The following SAMMSON variants were observed in gnomAD, a reference collection of about 807,000 sequenced individuals.
The protein encoded by SAMMSON is long intergenic non-protein coding RNA 1212.
At chr3:70,218,545 A>C (rs1276586983) in intron 4 of SAMMSON, among the ~76,000 whole-genome samples, 1 of 152,130 alleles carries the variant, frequency 6.6e-6, no homozygotes, top group African/African-American at 2.4e-5. Flanking sequence ...GAACGTTTAC[A>C]GCCACAGCAG....
At chr3:70,140,826 C>T (rs1387309496) in intron 4 of SAMMSON, among the ~76,000 whole-genome samples, 2 of 152,110 alleles carry the variant, frequency 1.3e-5, no homozygotes, top group Admixed American at 6.6e-5. Flanking sequence ...TAACATGTTC[C>T]TCTTCCTCAT....
intron 7 of SAMMSON, among the ~76,000 whole-genome samples, chr3:70,322,466 C>A (rs1702544438): frequency 6.6e-6 from 1 of 152,118 alleles, no homozygotes; most frequent in Non-Finnish European, 1.5e-5. Flanking sequence ...ATAGGACAGA[C>A]AACCATGCTT....
downstream of SAMMSON, chr3:70,389,961 A>G (rs115770059): frequency 2.5e-4 from 38 of 152,310 alleles, no homozygotes; most frequent in Non-Finnish European, 4.7e-4. Context: ...TCCAAGAGCA[A>G]CAGAGCAATG....
intron 4 of SAMMSON, among the ~76,000 whole-genome samples, chr3:70,107,291 A>C (rs2067370646): frequency 6.6e-6 from 1 of 152,200 alleles, no homozygotes. Context: ...AGGATTGGGC[A>C]TGTAGAAATG....
At chr3:70,114,656 G>T (rs1314838356) in intron 4 of SAMMSON, among the ~76,000 whole-genome samples, 2 of 152,184 alleles carry the variant, frequency 1.3e-5, no homozygotes, top group Non-Finnish European at 2.9e-5. Context: ...TGAAAGGATA[G>T]AAAAGTGGAA....
chr3:70,364,929 T>C lies in SAMMSON; in HGVS notation n.913+6605T>C, dbSNP rs970159265. Among the ~76,000 whole-genome samples the C allele has an allele frequency of 3.9e-5, 6 of 151,972 alleles. No individual in the cohort carries two copies. The East Asian group carries it at 1.2e-3, about 29-fold the overall frequency. On this transcript the variant is annotated intron_variant and non_coding_transcript_variant, in intron 9 of 9. Transcript: ENST00000642114. ...GTTTCTACTATAAATCCCGCATCTCTTTCAATGAGATCGTGTTATCCATTT... is the reference window on the plus strand; with the variant it reads ...GTTTCTACTATAAATCCCGCATCTCCTTCAATGAGATCGTGTTATCCATTT...
chr3:70,155,700 T>C (rs1325625350), intron 4 of SAMMSON, among the ~76,000 whole-genome samples: 2 of 152,064 alleles, frequency 1.3e-5, no homozygotes, highest in Admixed American at 1.3e-4. Context: ...TACAAGCCAT[T>C]CTTAACAATC....
intron 2 of SAMMSON, among the ~76,000 whole-genome samples, chr3:70,012,750 C>T (rs2066963241): frequency 6.6e-6 from 1 of 152,094 alleles, no homozygotes; most frequent in Admixed American, 6.6e-5. Context: ...TGAATTGGGC[C>T]AGACTGTAGA....
intron 2 of SAMMSON, among the ~76,000 whole-genome samples, chr3:70,426,961 T>C (rs150530325): frequency 6.6e-6 from 1 of 152,324 alleles, no homozygotes; most frequent in Non-Finnish European, 1.5e-5. Context: ...TTGTCCAAGG[T>C]AATTAGAGAA....
intron 2 of SAMMSON, among the ~76,000 whole-genome samples, chr3:70,413,829 G>A (rs915863844): frequency 3.3e-5 from 5 of 152,000 alleles, no homozygotes; most frequent in African/African-American, 1.2e-4. Flanking sequence ...AGAGGAAGAC[G>A]ATTCAATAAT....
intron 4 of SAMMSON, among the ~76,000 whole-genome samples, chr3:70,197,448 A>G (rs1201670986): frequency 2.0e-5 from 3 of 152,134 alleles, no homozygotes; most frequent in Non-Finnish European, 4.4e-5. Flanking sequence ...TCAGTTTTCT[A>G]AACTCCTTTA....
chr3:70,260,076 G>A (rs1442799187), intron 6 of SAMMSON, among the ~76,000 whole-genome samples: 1 of 152,154 alleles, frequency 6.6e-6, no homozygotes, highest in Non-Finnish European at 1.5e-5. Context: ...AGATTTGGGT[G>A]GGGACACAAA....
In SAMMSON at chr3:70,316,765, G is replaced by A. The variant is rs563680693; in HGVS notation, n.739+25522G>A. ...TTACAGCTAACACCACAAGGCATGCGAATTCAAGGATTTATGAGATCTTAG... is the reference window on the plus strand; with the variant it reads ...TTACAGCTAACACCACAAGGCATGCAAATTCAAGGATTTATGAGATCTTAG... On this transcript the variant is annotated intron_variant and non_coding_transcript_variant, in intron 7 of 9. Transcript: ENST00000642114. 9.2e-5 allele frequency among the ~76,000 whole-genome samples: 14 copies of A among 152,140 alleles called. No individual in the cohort carries two copies. The East Asian group carries it at 1.4e-3, about 15-fold the overall frequency.
intron 3 of SAMMSON, among the ~76,000 whole-genome samples, chr3:70,047,328 T>C (rs940194802): frequency 6.0e-5 from 9 of 150,074 alleles, no homozygotes; most frequent in Non-Finnish European, 1.0e-4. Flanking sequence ...TTTCTCTCTC[T>C]CTCTCTTTTT....
At chr3:70,334,908 G>A (rs150863379) in intron 7 of SAMMSON, among the ~76,000 whole-genome samples, 1 of 152,024 alleles carries the variant, frequency 6.6e-6, no homozygotes, top group East Asian at 1.9e-4. Context: ...TATTTATTTG[G>A]CACTTAATTT....
At chr3:70,250,316 T>C (rs1192310838) in intron 6 of SAMMSON, among the ~76,000 whole-genome samples, 1 of 152,124 alleles carries the variant, frequency 6.6e-6, no homozygotes, top group African/African-American at 2.4e-5. Flanking sequence ...CTTGTAATTT[T>C]ACTATTGCCA....
intron 7 of SAMMSON, among the ~76,000 whole-genome samples, chr3:70,345,642 C>A (rs1031836188): frequency 1.3e-5 from 2 of 151,778 alleles, no homozygotes; most frequent in African/African-American, 4.8e-5. Flanking sequence ...AGTTATTGAA[C>A]CCTCCCCTCA....
At chr3:70,285,242 G>A (rs991952267) in intron 6 of SAMMSON, among the ~76,000 whole-genome samples, 2 of 125,132 alleles carry the variant, frequency 1.6e-5, no homozygotes, top group Non-Finnish European at 3.1e-5. Context: ...AGAGTGTGAT[G>A]TTCCCCTTCC....
intron 7 of SAMMSON, among the ~76,000 whole-genome samples, chr3:70,333,154 G>A (rs1040781985): frequency 1.8e-4 from 28 of 151,498 alleles, no homozygotes; most frequent in Non-Finnish European, 1.9e-4. Flanking sequence ...CAATATTGCC[G>A]GACTACTAGC....
Sources: allele counts gnomAD v4.1 joint callset (sites outside exome capture counted in the v4.1 genomes callset), GRCh38; gene constraint gnomAD v4.1.1; transcripts MANE v1.5; gene names NCBI Gene and HGNC (gene_info 2026-07-23, HGNC 2026-07-21).